The following CDKAL1 variants were observed in gnomAD, a reference collection of about 807,000 sequenced individuals.
CDKAL1 encodes threonylcarbamoyladenosine tRNA methylthiotransferase.
Under a neutral mutation model 68.2 loss-of-function variants are expected in CDKAL1, and 32 were observed. The observed-to-expected ratio is 0.47, with a 90% CI of 0.35 to 0.63. CDKAL1 has a LOEUF of 0.63. Ranked by LOEUF, CDKAL1 falls within the 30% of genes least tolerant of loss-of-function variation. The pLI, the probability that CDKAL1 is intolerant of heterozygous loss-of-function variation, is 0.00. For synonymous variants in CDKAL1, 234 were observed against 244.3 expected, an observed-to-expected ratio of 0.96 and a Z score of 0.39; for missense variants, 606 against 696.7, an observed-to-expected ratio of 0.87 and a Z score of 1.47.
intron 7 of CDKAL1, among the ~76,000 whole-genome samples, chr6:20,775,943 A>G (rs1270315479): frequency 6.6e-6 from 1 of 152,156 alleles, no homozygotes; most frequent in East Asian, 1.9e-4. Context: ...GCCAGATATA[A>G]CAAGTGACTG....
intron 4 of CDKAL1, among the ~76,000 whole-genome samples, chr6:20,598,869 T>A (rs1364696023): frequency 3.9e-5 from 6 of 152,136 alleles, no homozygotes; most frequent in Non-Finnish European, 8.8e-5. Flanking sequence ...TATTATGAAA[T>A]TTTAATTATA....
chr6:20,702,012 G>T (rs1430137494), intron 5 of CDKAL1, among the ~76,000 whole-genome samples: 1 of 152,100 alleles, frequency 6.6e-6, no homozygotes, highest in African/African-American at 2.4e-5. Context: ...AGGAGGAAGC[G>T]GAAAGATGCC....
chr6:20,567,862 C>T (rs951009865), intron 4 of CDKAL1, among the ~76,000 whole-genome samples: 1 of 151,342 alleles, frequency 6.6e-6, no homozygotes, highest in Non-Finnish European at 1.5e-5. Context: ...TACAGGTGTG[C>T]ACCACCATGC....
chr6:21,052,534 G>GTT, intron 11 of CDKAL1, among the ~76,000 whole-genome samples: 2 of 135,074 alleles, frequency 1.5e-5, no homozygotes, highest in Admixed American at 7.7e-5. Flanking sequence ...TTTTTAATTG[G>GTT]TTGTTTTTTT....
At chr6:20,946,693 G>A (rs939083713) in intron 9 of CDKAL1, among the ~76,000 whole-genome samples, 12 of 150,530 alleles carry the variant, frequency 8.0e-5, no homozygotes, top group African/African-American at 2.9e-4. Flanking sequence ...CACCTCCCGG[G>A]TTCAAGTGAT....
chr6:21,087,263 A>G (rs1415729379), intron 12 of CDKAL1, among the ~76,000 whole-genome samples: 3 of 152,208 alleles, frequency 2.0e-5, no homozygotes, highest in Non-Finnish European at 4.4e-5. Flanking sequence ...ATGGGTTGTA[A>G]CTGATTCTTT....
chr6:20,592,930 G>C (rs749191132), intron 4 of CDKAL1, among the ~76,000 whole-genome samples: 2 of 151,946 alleles, frequency 1.3e-5, no homozygotes, highest in Non-Finnish European at 2.9e-5. Context: ...AGATAATCAT[G>C]TGTTTTTTGT....
chr6:20,818,197 GT>G (rs1436959896), intron 8 of CDKAL1, among the ~76,000 whole-genome samples: 1 of 152,036 alleles, frequency 6.6e-6, no homozygotes, highest in Non-Finnish European at 1.5e-5. Context: ...CTAGATTATG[GT>G]TTTTTGATAA....
intron 13 of CDKAL1, among the ~76,000 whole-genome samples, chr6:21,154,942 G>A (rs6456399): frequency 2.0e-5 from 3 of 151,324 alleles, no homozygotes; most frequent in African/African-American, 4.9e-5. Context: ...TCAGTGAGCC[G>A]ATTGTGCCAC....
intron 10 of CDKAL1, 76 bp downstream of exon 10, chr6:20,955,661 C>A: frequency 7.9e-7 from 1 of 1,259,098 alleles, no homozygotes; most frequent in Non-Finnish European, 1.1e-6. Flanking sequence ...TCAGTATCAT[C>A]ACATCAGCTT....
At chr6:21,115,681 T>C (rs1362111582) in intron 13 of CDKAL1, among the ~76,000 whole-genome samples, 2 of 152,228 alleles carry the variant, frequency 1.3e-5, no homozygotes, top group Admixed American at 6.5e-5. Context: ...AGATTCCCTA[T>C]TGTTTTATTG....
At chr6:20,669,485 C>G (rs1245087238) in intron 5 of CDKAL1, among the ~76,000 whole-genome samples, 1 of 152,100 alleles carries the variant, frequency 6.6e-6, no homozygotes, top group Non-Finnish European at 1.5e-5. Flanking sequence ...TTCAGGTTGT[C>G]TCCTTTATCT....
At chr6:20,793,296 C>T (rs1350267135) in intron 8 of CDKAL1, among the ~76,000 whole-genome samples, 1 of 152,060 alleles carries the variant, frequency 6.6e-6, no homozygotes, top group Admixed American at 6.6e-5. Flanking sequence ...TACCTTAATT[C>T]TCAATTATAT....
intron 9 of CDKAL1, among the ~76,000 whole-genome samples, chr6:20,923,570 C>G (rs1053736319): frequency 6.6e-6 from 1 of 152,202 alleles, no homozygotes; most frequent in Non-Finnish European, 1.5e-5. Flanking sequence ...TGTTCCCCCA[C>G]CAGCCATTCA....
At chr6:20,990,564 T>C (rs1207080603) in intron 10 of CDKAL1, among the ~76,000 whole-genome samples, 1 of 152,268 alleles carries the variant, frequency 6.6e-6, no homozygotes, top group Non-Finnish European at 1.5e-5. Flanking sequence ...AGATCAAATG[T>C]AAATTAGAAT....
chr6:21,015,052 G>A (rs1380544632), intron 11 of CDKAL1, among the ~76,000 whole-genome samples: 1 of 152,022 alleles, frequency 6.6e-6, no homozygotes, highest in Non-Finnish European at 1.5e-5. Context: ...TACCATCTAG[G>A]GCATATCTTT....
At chr6:21,175,258 G>A (rs1246916768) in intron 13 of CDKAL1, among the ~76,000 whole-genome samples, 2 of 152,196 alleles carry the variant, frequency 1.3e-5, no homozygotes, top group African/African-American at 4.8e-5. Context: ...ATTTTATTTT[G>A]ACGTTATTTT....
intron 9 of CDKAL1, among the ~76,000 whole-genome samples, chr6:20,932,603 A>AT (rs1763517559): frequency 6.6e-6 from 1 of 152,000 alleles, no homozygotes; most frequent in Non-Finnish European, 1.5e-5. Context: ...CTTTCCCAAA[A>AT]CCTCTTTCCT....
rs1485042374 is a variant in CDKAL1 at position 20,539,050 on chromosome 6, C to T, written c.-6+3656C>T. 6.6e-6 allele frequency among the ~76,000 whole-genome samples: 1 copy of T among 152,090 alleles called. No individual in the cohort carries two copies. The highest frequency in any genetic ancestry group is 2.4e-5 in the African/African-American group (1 of 41,418). ...CATGAAACAAAAGCAGGGTTAGAAG[C>T]AGTGAAAGTGTGGGCATGCTTGGGC... On this transcript the variant is annotated intron_variant, in intron 2 of 15. Coordinates refer to ENST00000274695, the MANE Select transcript of CDKAL1 (RefSeq NM_017774.3). The surrounding 1 kb of genome is among the most constrained non-coding windows in gnomAD (Gnocchi z 4.3).
Sources: allele counts gnomAD v4.1 joint callset (sites outside exome capture counted in the v4.1 genomes callset), GRCh38; gene constraint gnomAD v4.1.1; non-coding constraint Gnocchi (gnomAD v3.1); transcripts MANE v1.5; gene names NCBI Gene and HGNC (gene_info 2026-07-23, HGNC 2026-07-21).